The following GLIS3 variants were observed in gnomAD, a reference collection of about 807,000 sequenced individuals.
GLIS3 encodes GLIS family zinc finger 3.
A neutral mutation model predicts 78.6 loss-of-function variants in GLIS3; 53 were observed. The observed-to-expected ratio is 0.67, with a 90% CI of 0.54 to 0.85. The LOEUF (loss-of-function observed/expected upper bound fraction) is 0.85. Among genes scored for constraint, GLIS3 ranks in the 40% least tolerant of loss-of-function variants. The pLI, the probability that GLIS3 is intolerant of heterozygous loss-of-function variation, is 0.00. For missense variants in GLIS3, 1,703 were observed against 1,231.1 expected (o/e 1.38, Z -5.74); for synonymous variants, 684 against 509.9 (o/e 1.34, Z -4.60).
At chr9:4,263,829 C>T (rs1351664254) in intron 2 of GLIS3, among the ~76,000 whole-genome samples, 3 of 152,186 alleles carry the variant, frequency 2.0e-5, no homozygotes, top group African/African-American at 7.2e-5. Flanking sequence ...CCCTGGTTTT[C>T]TTCCTACCTC....
intron 2 of GLIS3, among the ~76,000 whole-genome samples, chr9:4,312,554 T>G (rs1284206898): frequency 6.6e-6 from 1 of 152,242 alleles, no homozygotes; most frequent in Non-Finnish European, 1.5e-5. Flanking sequence ...GCCAATAAAT[T>G]ATGTACAGTA....
At chr9:4,449,859 C>A in the GLIS3 span, among the ~76,000 whole-genome samples, 3 of 152,110 alleles carry the variant, frequency 2.0e-5, no homozygotes, top group Non-Finnish European at 4.4e-5. Flanking sequence ...CATCAAGGAC[C>A]AAAGGTAGAT....
chr9:4,385,805 GAAAGAAAAGAA>G, the GLIS3 span, among the ~76,000 whole-genome samples: 406 of 60,508 alleles, frequency 6.7e-3, 34 homozygotes, highest in Middle Eastern at 0.028. Flanking sequence ...AAGAAAGAAA[GAAAGAAAAGAA>G]AGAAAGAGAA....
intron 2 of GLIS3, among the ~76,000 whole-genome samples, chr9:4,182,749 T>C (rs1022352061): frequency 6.6e-6 from 1 of 152,194 alleles, no homozygotes; most frequent in African/African-American, 2.4e-5. Context: ...TAGCTACCAC[T>C]AATGTCTTGA....
chr9:4,312,101 A>G (rs1377788331), intron 2 of GLIS3, among the ~76,000 whole-genome samples: 2 of 152,250 alleles, frequency 1.3e-5, no homozygotes, highest in Admixed American at 1.3e-4. Flanking sequence ...GTTTACCTGT[A>G]TAACAAACCT....
chr9:4,442,471 G>A, the GLIS3 span, among the ~76,000 whole-genome samples: 4 of 152,060 alleles, frequency 2.6e-5, no homozygotes, highest in Non-Finnish European at 5.9e-5. Context: ...ACCACCCTGA[G>A]TATTCCAGAA....
intron 2 of GLIS3, among the ~76,000 whole-genome samples, chr9:4,142,360 C>A (rs529724939): frequency 1.3e-5 from 2 of 152,206 alleles, no homozygotes; most frequent in East Asian, 3.9e-4. Context: ...ACATAATAAA[C>A]AACATAAGAT....
At chr9:4,356,644 G>T in the GLIS3 span, among the ~76,000 whole-genome samples, 1 of 152,192 alleles carries the variant, frequency 6.6e-6, no homozygotes, top group Non-Finnish European at 1.5e-5. Flanking sequence ...ATTCAACAGA[G>T]TGCATCAGAT....
intron 9 of GLIS3, among the ~76,000 whole-genome samples, chr9:3,838,001 G>C (rs28526499): frequency 2.0e-5 from 3 of 151,980 alleles, no homozygotes; most frequent in Non-Finnish European, 4.4e-5. Context: ...TGGAGGGGGT[G>C]GGGGGAGGAG....
the GLIS3 span, among the ~76,000 whole-genome samples, chr9:4,406,835 G>C: frequency 6.6e-6 from 1 of 152,130 alleles, no homozygotes; most frequent in Non-Finnish European, 1.5e-5. Context: ...CATGTTCATG[G>C]ATTGGAAGAA....
intron 4 of GLIS3, among the ~76,000 whole-genome samples, chr9:3,986,277 A>G (rs1010824414): frequency 6.6e-6 from 1 of 152,206 alleles, no homozygotes; most frequent in South Asian, 2.1e-4. Flanking sequence ...GGAGTCCATC[A>G]TGACCGAAAA....
chr9:4,199,903 T>A (rs1483935972), intron 2 of GLIS3, among the ~76,000 whole-genome samples: 1 of 152,132 alleles, frequency 6.6e-6, no homozygotes, highest in Non-Finnish European at 1.5e-5. Flanking sequence ...AACCACATGC[T>A]CAGCTATAAA....
At chr9:4,477,034 C>A in the GLIS3 span, among the ~76,000 whole-genome samples, 1 of 152,080 alleles carries the variant, frequency 6.6e-6, no homozygotes, top group African/African-American at 2.4e-5. Flanking sequence ...TATAGAATTA[C>A]TATATGTTCC....
At chr9:4,394,763 T>C in the GLIS3 span, among the ~76,000 whole-genome samples, 1 of 152,320 alleles carries the variant, frequency 6.6e-6, no homozygotes, top group East Asian at 1.9e-4. Flanking sequence ...AAGCACATTT[T>C]CCATTCTCTT....
chr9:3,919,479 G>A (rs968436773), intron 6 of GLIS3, among the ~76,000 whole-genome samples: 6 of 152,050 alleles, frequency 3.9e-5, no homozygotes, highest in Non-Finnish European at 8.8e-5. Flanking sequence ...ACTGGGGCCT[G>A]TTGGGAGGGT....
chr9:4,026,457 T>C (rs1823356825), intron 4 of GLIS3, among the ~76,000 whole-genome samples: 1 of 152,236 alleles, frequency 6.6e-6, no homozygotes, highest in South Asian at 2.1e-4. Flanking sequence ...CATAAAAATC[T>C]ATGTACTTTA....
At chr9:3,917,746 C>G (rs200988562) in intron 6 of GLIS3, among the ~76,000 whole-genome samples, 2 of 152,094 alleles carry the variant, frequency 1.3e-5, no homozygotes, top group East Asian at 3.9e-4. Context: ...TTCTTTCAAC[C>G]CCATATTCCT....
chr9:4,092,176 G>C (rs1829572047), intron 4 of GLIS3, among the ~76,000 whole-genome samples: 1 of 141,182 alleles, frequency 7.1e-6, no homozygotes, highest in Non-Finnish European at 1.5e-5. Context: ...TTTTGAGACA[G>C]AGTCTCGCTC....
the GLIS3 span, among the ~76,000 whole-genome samples, chr9:4,368,092 C>A: frequency 6.6e-6 from 1 of 152,196 alleles, no homozygotes; most frequent in African/African-American, 2.4e-5. Context: ...TGTCAATGAA[C>A]GTATCACATG....
Sources: allele counts gnomAD v4.1 joint callset (sites outside exome capture counted in the v4.1 genomes callset), GRCh38; gene constraint gnomAD v4.1.1; transcripts MANE v1.5; gene names NCBI Gene and HGNC (gene_info 2026-07-23, HGNC 2026-07-21).